The following ODR4 variants were observed in gnomAD, a reference collection of about 807,000 sequenced individuals.
The protein encoded by ODR4 is odr-4 GPCR localization factor homolog.
Under a neutral mutation model 60.2 loss-of-function variants are expected in ODR4, and 47 were observed. That is an observed-to-expected ratio of 0.78 (90% CI 0.62 to 1.00). The LOEUF (loss-of-function observed/expected upper bound fraction) is 1.00, where lower values mean the gene tolerates loss of function less well. ODR4 is among the 50% of genes least tolerant of loss of function. The probability of loss-of-function intolerance (pLI) is 0.00; values close to 1 mark genes in which losing one functional copy is unlikely to be tolerated. For synonymous variants in ODR4, 178 were observed against 175.5 expected (o/e 1.01, Z -0.11); for missense variants, 488 against 530.8 (o/e 0.92, Z 0.79).
intron 13 of ODR4, among the ~76,000 whole-genome samples, chr1:186,418,606 T>G (rs1661674045): frequency 6.6e-6 from 1 of 152,220 alleles, no homozygotes; most frequent in Non-Finnish European, 1.5e-5. Context: ...CTACACAAGT[T>G]ACACAGGTGG....
chr1:186,389,371 G>A (rs769503783), intron 5 of ODR4, among the ~76,000 whole-genome samples: 3 of 151,970 alleles, frequency 2.0e-5, no homozygotes, highest in Admixed American at 6.5e-5. Flanking sequence ...TTCAAGCACC[G>A]CAAGTACTAT....
chr1:186,386,503 T>G (rs1660256958), intron 4 of ODR4, among the ~76,000 whole-genome samples: 3 of 152,134 alleles, frequency 2.0e-5, no homozygotes, highest in Non-Finnish European at 1.5e-5. Flanking sequence ...TGTAAAATAT[T>G]GAAAAATTCA....
At chr1:186,414,512 A>G (rs1001393363) in intron 12 of ODR4, among the ~76,000 whole-genome samples, 1 of 151,814 alleles carries the variant, frequency 6.6e-6, no homozygotes, top group African/African-American at 2.4e-5. Context: ...TATGGGGGAA[A>G]AAAACAAAAA....
intron 11 of ODR4, among the ~76,000 whole-genome samples, chr1:186,405,584 G>A (rs1041510045): frequency 2.2e-4 from 33 of 151,962 alleles, no homozygotes; most frequent in African/African-American, 8.0e-4. Context: ...ATGGAGTCTC[G>A]CTCTGTTGCC....
intron 11 of ODR4, among the ~76,000 whole-genome samples, chr1:186,403,920 TTGTC>T (rs1661079777): frequency 6.6e-6 from 1 of 152,182 alleles, no homozygotes; most frequent in South Asian, 2.1e-4. Flanking sequence ...GTAATCCTGT[TTGTC>T]TGTGCCTATG....
intron 9 of ODR4, among the ~76,000 whole-genome samples, 156 bp from the exon 10 acceptor site, chr1:186,398,157 A>G (rs1273109576): frequency 2.0e-5 from 3 of 152,236 alleles, no homozygotes; most frequent in Non-Finnish European, 4.4e-5. Flanking sequence ...AAAAACAAAT[A>G]TGAAGGCCTT....
At chr1:186,394,537 A>G (rs1660598129) in intron 9 of ODR4, among the ~76,000 whole-genome samples, 1 of 152,330 alleles carries the variant, frequency 6.6e-6, no homozygotes, top group Non-Finnish European at 1.5e-5. Flanking sequence ...AAAAAGTTAA[A>G]GCCACTAATT....
chr1:186,432,893 C>A, the ODR4 span, among the ~76,000 whole-genome samples: 11,368 of 151,646 alleles, frequency 0.075, 457 homozygotes, highest in South Asian at 0.099. Flanking sequence ...TCAAGCAATT[C>A]TCCTGCCTCA....
chr1:186,425,239 C>G (rs548975552), downstream of ODR4, among the ~76,000 whole-genome samples: 1 of 152,260 alleles, frequency 6.6e-6, no homozygotes, highest in African/African-American at 2.4e-5. Flanking sequence ...TTCCCTCAAT[C>G]CGAAGATGTG....
intron 9 of ODR4, among the ~76,000 whole-genome samples, chr1:186,397,766 A>T (rs749534311): frequency 2.0e-5 from 3 of 152,216 alleles, no homozygotes; most frequent in Non-Finnish European, 4.4e-5. Flanking sequence ...TATGTGAAAC[A>T]CCTGAAAACC....
At chr1:186,422,190 G>A (rs181993764), downstream of ODR4, among the ~76,000 whole-genome samples, 2 of 152,044 alleles carry the variant, frequency 1.3e-5, no homozygotes, top group East Asian at 3.9e-4. Context: ...AAAAACTTGT[G>A]TAGCTTTAGT....
chr1:186,430,091 A>T, the ODR4 span, among the ~76,000 whole-genome samples: 1 of 152,000 alleles, frequency 6.6e-6, no homozygotes, highest in Non-Finnish European at 1.5e-5. Flanking sequence ...TAGGGAAAAG[A>T]TTTGTTAGAT....
intron 6 of ODR4, 34 bp from the exon 7 acceptor site, chr1:186,390,677 A>C: frequency 1.9e-6 from 3 of 1,607,334 alleles, no homozygotes; most frequent in Non-Finnish European, 2.6e-6. Context: ...TCTAGACTAC[A>C]TCATAGTTAT....
At chr1:186,393,331 A>T (rs1660540193) in intron 8 of ODR4, among the ~76,000 whole-genome samples, 1 of 152,252 alleles carries the variant, frequency 6.6e-6, no homozygotes, top group Non-Finnish European at 1.5e-5. Context: ...TGGAATCCTG[A>T]AACTTTACAG....
intron 11 of ODR4, chr1:186,401,373 A>T (rs1222873084): frequency 2.1e-6 from 1 of 476,880 alleles, no homozygotes; most frequent in Non-Finnish European, 3.9e-6. Context: ...GTTTGGTGGA[A>T]AGAGCAAAGA....
intron 3 of ODR4, among the ~76,000 whole-genome samples, chr1:186,384,242 T>G (rs971456928): frequency 6.6e-6 from 1 of 151,978 alleles, no homozygotes; most frequent in African/African-American, 2.4e-5. Flanking sequence ...GGAGCTGGTG[T>G]GTAAAGATCA....
chr1:186,391,390 C>CT (rs1233993373), intron 7 of ODR4, among the ~76,000 whole-genome samples: 17 of 136,892 alleles, frequency 1.2e-4, no homozygotes, highest in South Asian at 2.3e-4. Flanking sequence ...TTTTTTCTCA[C>CT]TTTTTTTTTT....
intron 12 of ODR4, among the ~76,000 whole-genome samples, chr1:186,410,834 G>T (rs1661354170): frequency 1.3e-5 from 2 of 152,066 alleles, no homozygotes; most frequent in African/African-American, 4.8e-5. Context: ...TGACCAACAT[G>T]GAGAAACCCC....
intron 3 of ODR4, 117 bp downstream of exon 3, chr1:186,383,273 C>T: frequency 8.5e-7 from 1 of 1,173,284 alleles, no homozygotes; most frequent in Non-Finnish European, 1.2e-6. Context: ...CTAAAGATGA[C>T]TGAGATTTTT....
Sources: allele counts gnomAD v4.1 joint callset (sites outside exome capture counted in the v4.1 genomes callset), GRCh38; gene constraint gnomAD v4.1.1; transcripts MANE v1.5; gene names NCBI Gene and HGNC (gene_info 2026-07-23, HGNC 2026-07-21).